Variants in RAPGEFL1 observed in about 807,000 individuals in gnomAD.
RAPGEFL1 encodes rap guanine nucleotide exchange factor-like 1.
A neutral mutation model predicts 64.4 loss-of-function variants in RAPGEFL1; 31 were observed. That is an observed-to-expected ratio of 0.48 (90% CI 0.36 to 0.65). The LOEUF (loss-of-function observed/expected upper bound fraction) is 0.65, where lower values mean the gene tolerates loss of function less well. RAPGEFL1 is among the 30% of genes least tolerant of loss of function. The pLI, the probability that RAPGEFL1 is intolerant of heterozygous loss-of-function variation, is 0.00. For missense variants in RAPGEFL1, 682 were observed against 677.4 expected (o/e 1.01, Z -0.08); for synonymous variants, 331 against 274.1 (o/e 1.21, Z -2.05).
intron 13 of RAPGEFL1, 114 bp from the exon 14 acceptor site, chr17:40,193,249 C>A: frequency 8.1e-7 from 1 of 1,239,742 alleles, no homozygotes; most frequent in Non-Finnish European, 1.2e-6. Flanking sequence ...AGAGACCCTC[C>A]AGAATTGGAG....
intron 1 of RAPGEFL1, among the ~76,000 whole-genome samples, chr17:40,180,443 A>G (rs1159271982): frequency 1.3e-5 from 2 of 152,114 alleles, no homozygotes; most frequent in African/African-American, 2.4e-5. Flanking sequence ...ATGTTCTCCA[A>G]TAAAACCAAT....
chr17:40,183,492 C>T (rs1271189224), intron 2 of RAPGEFL1, among the ~76,000 whole-genome samples: 2 of 151,318 alleles, frequency 1.3e-5, no homozygotes, highest in Non-Finnish European at 2.9e-5. Context: ...GCAATTTAGC[C>T]TCCCATCTTT....
rs1312468516 is a variant in RAPGEFL1, at chr17:40,191,509, C to T, written c.1514+15C>T. 1.9e-6 allele frequency: 3 copies of T among 1,582,778 alleles called. No homozygotes were observed. The highest frequency in any genetic ancestry group is 1.7e-6 in the Non-Finnish European group (2 of 1,166,790). On this transcript the variant is annotated intron_variant, in intron 9 of 14. Coordinates refer to ENST00000620260, the MANE Select transcript of RAPGEFL1 (RefSeq NM_016339.6). The surrounding 1 kb of genome is among the most constrained non-coding windows in gnomAD (Gnocchi z 5.1). ...ATCGCGGCCCTGTGAGTGCGGCCGTCGGCGGGATGGGGGGCCGGAGGCCGG... is the reference window on the plus strand; with the variant it reads ...ATCGCGGCCCTGTGAGTGCGGCCGTTGGCGGGATGGGGGGCCGGAGGCCGG...
In RAPGEFL1 at chr17:40,191,460, C is replaced by T; in HGVS notation, c.1480C>T (p.Gln494Ter). Residue 494 changes from glutamine (Q) to a stop codon, truncating the protein, a stop_gained, in exon 9 of 15, where the codon CAG becomes TAG. Transcript: ENST00000620260. LOFTEE classifies it high-confidence loss of function. This position sits in a 1 kb window ranked among gnomAD's most constrained non-coding sequence, Gnocchi z 5.1. ...LLCEAPGKRA[Q>*]LLKKFIKIAA... ...CTGCGAGGCCCCGGGCAAGCGCGCG[C>T]AGCTGCTCAAGAAGTTCATCAAGAT... is the stretch of plus-strand genomic sequence containing the variant. The T allele has an allele frequency of 6.2e-7, 1 of 1,607,332 alleles. No individual in the cohort carries two copies. Among genetic ancestry groups the T allele is most frequent in the Non-Finnish European group, 8.5e-7 (1 of 1,178,620 alleles).
intron 6 of RAPGEFL1, among the ~76,000 whole-genome samples, chr17:40,189,679 T>C (rs1427506843): frequency 6.6e-6 from 1 of 152,108 alleles, no homozygotes; most frequent in African/African-American, 2.4e-5. Context: ...CTGGGCAACA[T>C]AACAAGACTC....
chr17:40,177,728 C>T lies in RAPGEFL1; in HGVS notation c.-134C>T. 2 of 408,468 alleles carry T rather than the reference C, an allele frequency of 4.9e-6. No homozygotes were observed. The highest frequency in any genetic ancestry group is 8.5e-6 in the Non-Finnish European group (2 of 234,276). 25.3% of individuals were successfully genotyped at this position (408,468 alleles called of 1,614,324 possible). A position where few individuals can be genotyped will look rare whatever the true frequency, so the allele number is the denominator to read the frequency against. ...GCCAGCGAGGCTCGGCCCCTCTGGC[C>T]CCCAGTCTGGCGCCTGGCACGGCCC... On this transcript the variant is annotated 5_prime_UTR_variant, in exon 1 of 15. Coordinates refer to ENST00000620260, the MANE Select transcript of RAPGEFL1 (RefSeq NM_016339.6).
chr17:40,188,158 G>A (rs1990143729), intron 4 of RAPGEFL1, among the ~76,000 whole-genome samples: 1 of 151,798 alleles, frequency 6.6e-6, no homozygotes, highest in Non-Finnish European at 1.5e-5. Flanking sequence ...CAAGTGATCT[G>A]CCCACCTCAG....
chr17:40,192,484 GC>G, intron 11 of RAPGEFL1, 121 bp from the exon 12 acceptor site: 1 of 972,608 alleles, frequency 1.0e-6, no homozygotes, highest in Non-Finnish European at 1.6e-6. Flanking sequence ...CCATTAGAAA[GC>G]CCCCAGCACC....
In RAPGEFL1 at chr17:40,188,938, C is replaced by T; in HGVS notation, c.906C>T (p.Ser302=). Residue 302 remains serine, a synonymous_variant, in exon 5 of 15, where the codon TCC becomes TCT. Transcript: ENST00000620260. ...TCCGCCACTTCCGCCGGATAGACTC[C>T]TGTCTGCAGACCCGGGTGGCCTTCC... The part of the protein sequence containing the change: ...PLFRHFRRID[S]CLQTRVAFRG... 6.2e-7 allele frequency: 1 copy of T among 1,614,200 alleles called. No individual in the cohort carries two copies. Among genetic ancestry groups the T allele is most frequent in the Non-Finnish European group, 8.5e-7 (1 of 1,180,046 alleles).
chr17:40,177,899 C>A lies in RAPGEFL1; in HGVS notation c.38C>A (p.Ser13Ter), dbSNP rs1352571924. 2.4e-6 allele frequency: 1 copy of A among 424,672 alleles called. No individual in the cohort carries two copies. Among genetic ancestry groups the A allele is most frequent in the Non-Finnish European group, 4.2e-6 (1 of 239,244 alleles). The allele number at this position is 424,672 out of a possible 1,614,324, so 26.3% of individuals were successfully genotyped here. A position where few individuals can be genotyped will look rare whatever the true frequency, so the allele number is the denominator to read the frequency against. Reference protein sequence around the residue: ...PLEKFLKKQTSQLAGRTVAGG... With the variant: ...PLEKFLKKQT ...GAGAAATTTCTGAAGAAGCAGACGT[C>A]GCAGCTGGCGGGCCGAACGGTGGCG... The change falls in exon 1 of 15, where the codon TCG becomes TAG. Residue 13 changes from serine to a stop codon, truncating the protein, a stop_gained. Transcript: ENST00000620260. LOFTEE classifies it high-confidence loss of function.
intron 11 of RAPGEFL1, 111 bp downstream of exon 11, chr17:40,192,374 C>T: frequency 5.7e-6 from 7 of 1,227,242 alleles, no homozygotes; most frequent in Non-Finnish European, 8.3e-6. Context: ...GTGTATGGGA[C>T]CCCCCACCCT....
chr17:40,185,783 CAAAA>C (rs750937174), intron 4 of RAPGEFL1, among the ~76,000 whole-genome samples: 5 of 48,910 alleles, frequency 1.0e-4, no homozygotes, highest in Admixed American at 2.3e-4. Flanking sequence ...GATTCTGTCT[CAAAA>C]AAAAAAAAAA....
At chr17:40,182,584 G>C (rs1338432658) in intron 2 of RAPGEFL1, among the ~76,000 whole-genome samples, 1 of 152,218 alleles carries the variant, frequency 6.6e-6, no homozygotes, top group East Asian at 1.9e-4. Context: ...AGAGTGCTGG[G>C]ATTAAAGGCG....
Position 40,191,826 on chromosome 17 carries a change from C to T in RAPGEFL1, c.1605+154C>T, listed in dbSNP as rs1990284948. Among the ~76,000 whole-genome samples the T allele has an allele frequency of 6.6e-6, 1 of 152,216 alleles. No individual in the cohort carries two copies. The highest frequency in any genetic ancestry group is 2.4e-5 in the African/African-American group (1 of 41,464). The stretch of plus-strand genomic sequence containing the variant: ...GCATACGCAACCCCAGGGCGCACAG[C>T]TTGGCTAATGGACCCTGTCTTTGTG... On this transcript the variant is annotated intron_variant, in intron 10 of 14. Transcript: ENST00000620260. This position sits in a 1 kb window ranked among gnomAD's most constrained non-coding sequence, Gnocchi z 5.1.
upstream of RAPGEFL1, chr17:40,177,276 T>A: frequency 1.4e-6 from 1 of 702,548 alleles, no homozygotes. Flanking sequence ...CAGGAATCCT[T>A]CCCCATTGGT....
chr17:40,179,169 C>A (rs570241663), intron 1 of RAPGEFL1, among the ~76,000 whole-genome samples: 2 of 151,972 alleles, frequency 1.3e-5, no homozygotes, highest in African/African-American at 4.8e-5. Flanking sequence ...CAGGTTCAAG[C>A]GATTCTCCTG....
chr17:40,190,873 C>G, intron 8 of RAPGEFL1, 111 bp downstream of exon 8: 1 of 1,501,636 alleles, frequency 6.7e-7, no homozygotes, highest in Non-Finnish European at 9.0e-7. Context: ...GCAGCAAGCC[C>G]TTGGGCAACG....
Position 40,178,353 on chromosome 17 carries a change from A to G in RAPGEFL1, c.492A>G (p.Gly164=). 2 of 545,140 alleles carry G rather than the reference A, an allele frequency of 3.7e-6. No individual in the cohort carries two copies. Among genetic ancestry groups the G allele is most frequent in the South Asian group, 4.3e-5 (2 of 46,338 alleles). The allele number at this position is 545,140 out of a possible 1,614,324, so 33.8% of individuals were successfully genotyped here. The change falls in exon 1 of 15, where the codon GGA becomes GGG. Residue 164 remains glycine, a synonymous_variant. Coordinates refer to ENST00000620260, the MANE Select transcript of RAPGEFL1 (RefSeq NM_016339.6). The part of the protein sequence containing the change: ...LLNRVLERLA[G]GATRDSAASD... ...ACCGGGTTCTGGAGCGGCTTGCTGG[A>G]GGGGCTACCAGGGACAGCGCCGCCT...
At position 40,181,596 on chromosome 17, in the gene RAPGEFL1, G is replaced by A. The variant is rs1427778472; in HGVS notation, c.521-20G>A. On this transcript the variant is annotated intron_variant, in intron 1 of 14. Transcript: ENST00000620260. Reference sequence around the variant, plus strand: ...TGGAAGTGCCCACCTGACATCTGTGGTGCCCACTGATCTTTACAGATATCC... The same window carrying A: ...TGGAAGTGCCCACCTGACATCTGTGATGCCCACTGATCTTTACAGATATCC... 5.7e-6 allele frequency: 4 copies of A among 702,328 alleles called. No individual in the cohort carries two copies. The Admixed American group carries it at 8.0e-5, about 14-fold the overall frequency. The allele number at this position is 702,328 out of a possible 1,614,324, so 43.5% of individuals were successfully genotyped here.
Sources: allele counts gnomAD v4.1 joint callset (sites outside exome capture counted in the v4.1 genomes callset), GRCh38; gene constraint gnomAD v4.1.1; non-coding constraint Gnocchi (gnomAD v3.1); transcripts MANE v1.5; gene names NCBI Gene and HGNC (gene_info 2026-07-23, HGNC 2026-07-21).